Variants in DSCAM observed in about 807,000 individuals in gnomAD.
The protein encoded by DSCAM is DS cell adhesion molecule, also known as cell adhesion molecule DSCAM.
In DSCAM, 47 loss-of-function variants were observed where a neutral mutation model predicts 217.7. The ratio of observed to expected loss-of-function variants is 0.22; its 90% CI spans 0.17 to 0.28. DSCAM has a LOEUF of 0.28. DSCAM is among the 10% of genes least tolerant of loss of function. The pLI is 1.00. For missense variants in DSCAM, 2,080 were observed against 2,618.3 expected, an observed-to-expected ratio of 0.79 and a Z score of 4.49; for synonymous variants, 1,056 against 1,015.3, an observed-to-expected ratio of 1.04 and a Z score of -0.76.
At chr21:40,641,904 T>C (rs551049152) in intron 3 of DSCAM, among the ~76,000 whole-genome samples, 2 of 152,084 alleles carry the variant, frequency 1.3e-5, no homozygotes, top group South Asian at 4.2e-4. Flanking sequence ...AAAAATTAGC[T>C]GGGCATGGTG....
At chr21:40,472,248 G>A (rs562985959) in intron 3 of DSCAM, among the ~76,000 whole-genome samples, 12 of 152,210 alleles carry the variant, frequency 7.9e-5, no homozygotes, top group African/African-American at 2.9e-4. Context: ...CGGTGAATGT[G>A]GACACTTCAT....
intron 3 of DSCAM, among the ~76,000 whole-genome samples, chr21:40,545,235 G>T: frequency 6.6e-6 from 1 of 152,180 alleles, no homozygotes; most frequent in East Asian, 1.9e-4. Context: ...TTTGATTGTG[G>T]ATGTCCAGCC....
chr21:40,621,675 CT>C (rs2146300740), intron 3 of DSCAM, among the ~76,000 whole-genome samples: 1 of 152,088 alleles, frequency 6.6e-6, no homozygotes, highest in Non-Finnish European at 1.5e-5. Context: ...CCCCGTTCCT[CT>C]CTTAGGGAGC....
At chr21:40,499,490 T>C (rs888475352) in intron 3 of DSCAM, among the ~76,000 whole-genome samples, 4 of 152,214 alleles carry the variant, frequency 2.6e-5, no homozygotes, top group African/African-American at 9.6e-5. Context: ...AAGATCTCTG[T>C]TCTTATTTAA....
At chr21:40,355,782 T>C (rs1026647900) in intron 4 of DSCAM, among the ~76,000 whole-genome samples, 2 of 152,218 alleles carry the variant, frequency 1.3e-5, no homozygotes, top group African/African-American at 2.4e-5. Flanking sequence ...CACTGTCCTA[T>C]CAAATGAGAG....
At chr21:40,251,651 C>T (rs73225034) in intron 11 of DSCAM, among the ~76,000 whole-genome samples, 1,946 of 152,256 alleles carry the variant, frequency 0.013, 22 homozygotes, top group African/African-American at 0.022. Flanking sequence ...AAGATAGCCC[C>T]CAGTGATCCT....
At chr21:40,737,673 G>A (rs944590246) in intron 1 of DSCAM, among the ~76,000 whole-genome samples, 4 of 152,168 alleles carry the variant, frequency 2.6e-5, no homozygotes, top group Non-Finnish European at 5.9e-5. Context: ...GGGTTCATGT[G>A]TCATGACTAT....
At chr21:40,171,806 G>C (rs1044634766) in intron 15 of DSCAM, among the ~76,000 whole-genome samples, 1 of 152,010 alleles carries the variant, frequency 6.6e-6, no homozygotes, top group Non-Finnish European at 1.5e-5. Context: ...CTCCTGAGCT[G>C]TAATTTTTTC....
At chr21:40,014,464 A>AG (rs2088121013) in intron 32 of DSCAM, among the ~76,000 whole-genome samples, 1 of 152,218 alleles carries the variant, frequency 6.6e-6, no homozygotes, top group African/African-American at 2.4e-5. Context: ...TGCTGCAGGA[A>AG]GGGAGGCATG....
At chr21:40,369,298 C>T (rs2074868945) in intron 3 of DSCAM, 53 bp from the exon 4 acceptor site, 2 of 1,551,298 alleles carry the variant, frequency 1.3e-6, no homozygotes, top group Admixed American at 4.0e-5. Context: ...AGCAACCCAA[C>T]CACACAGACA....
chr21:40,462,438 G>A lies in DSCAM; in HGVS notation c.509-93193C>T, dbSNP rs190890580. 2.6e-5 allele frequency among the ~76,000 whole-genome samples: 4 copies of A among 152,288 alleles called. No individual in the cohort carries two copies. In the East Asian group the frequency reaches 5.8e-4, roughly 22 times the overall value. ...TGTGATGCATGCCTGAGAACCGCTG[G>A]CTTAATGTAGCTCTTGGTTTAGACT... On this transcript the variant is annotated intron_variant, in intron 3 of 32. Transcript: ENST00000400454.
In DSCAM at chr21:40,829,653, A is replaced by T. The variant is rs150209801; in HGVS notation, c.43+16966T>A. Among the ~76,000 whole-genome samples, 180 of 152,308 alleles carry T rather than the reference A, an allele frequency of 1.2e-3. 1 individual carries two copies. The highest frequency in any genetic ancestry group is 0.011 in the Admixed American group (161 of 15,266). ...GAGATAGATCCGTGATGGTATCGAG[A>T]TCACTACAGACAGGTGGTGGTCACC... On this transcript the variant is annotated intron_variant, in intron 1 of 32. Transcript: ENST00000400454.
At chr21:40,240,207 T>G (rs956824602) in intron 11 of DSCAM, among the ~76,000 whole-genome samples, 15 of 152,086 alleles carry the variant, frequency 9.9e-5, no homozygotes, top group African/African-American at 3.6e-4. Context: ...CCGATTAACA[T>G]TCAAGCCAGG....
At chr21:40,376,939 G>C (rs1029291282) in intron 3 of DSCAM, among the ~76,000 whole-genome samples, 3 of 151,874 alleles carry the variant, frequency 2.0e-5, no homozygotes, top group African/African-American at 4.8e-5. Context: ...GCAGTACCTC[G>C]GGATGTGACT....
At chr21:40,674,913 G>A (rs1380477824) in intron 3 of DSCAM, among the ~76,000 whole-genome samples, 3 of 151,934 alleles carry the variant, frequency 2.0e-5, no homozygotes, top group African/African-American at 4.8e-5. Context: ...GTGAGCCACC[G>A]CGCCCGGCCC....
At position 40,419,071 on chromosome 21, in the gene DSCAM, C is replaced by T. The variant is rs185600065; in HGVS notation, c.509-49826G>A. On this transcript the variant is annotated intron_variant, in intron 3 of 32. Transcript: ENST00000400454. Reference sequence around the variant, plus strand: ...CTGCAAACTCTGCCTCCCGGGTTCACGCCATTCTCCTGCTTCAGCCTCCAG... The same window carrying T: ...CTGCAAACTCTGCCTCCCGGGTTCATGCCATTCTCCTGCTTCAGCCTCCAG... Among the ~76,000 whole-genome samples the T allele has an allele frequency of 4.9e-3, 752 of 151,996 alleles. 13 individuals are homozygous for T. Among genetic ancestry groups the T allele is most frequent in the African/African-American group, 0.017 (691 of 41,488 alleles).
chr21:40,276,837 G>C (rs574470429), intron 10 of DSCAM, among the ~76,000 whole-genome samples: 43 of 152,206 alleles, frequency 2.8e-4, no homozygotes, highest in African/African-American at 9.9e-4. Flanking sequence ...CATCAGATTA[G>C]TGCAGTAAGA....
chr21:40,796,918 T>C (rs1329508913), intron 1 of DSCAM, among the ~76,000 whole-genome samples: 1 of 152,224 alleles, frequency 6.6e-6, no homozygotes, highest in African/African-American at 2.4e-5. Flanking sequence ...ATTTTCCTTG[T>C]CTCTTGGAGA....
intron 10 of DSCAM, among the ~76,000 whole-genome samples, chr21:40,293,045 A>G (rs1348276427): frequency 6.6e-6 from 1 of 152,044 alleles, no homozygotes; most frequent in Non-Finnish European, 1.5e-5. Flanking sequence ...CCATTACGAT[A>G]TTTTTCTAAA....
Sources: allele counts gnomAD v4.1 joint callset (sites outside exome capture counted in the v4.1 genomes callset), GRCh38; gene constraint gnomAD v4.1.1; transcripts MANE v1.5; gene names NCBI Gene and HGNC (gene_info 2026-07-23, HGNC 2026-07-21).